Variants in ACOT7 observed in about 807,000 individuals in gnomAD.
ACOT7 encodes the protein cytosolic acyl coenzyme A thioester hydrolase.
A neutral mutation model predicts 40.2 loss-of-function variants in ACOT7; 12 were observed. That is an observed-to-expected ratio of 0.30 (90% CI 0.19 to 0.48). The LOEUF (loss-of-function observed/expected upper bound fraction) is 0.48. Among genes scored for constraint, ACOT7 ranks in the 20% least tolerant of loss-of-function variants. The pLI is 0.99. For synonymous variants in ACOT7, 228 were observed against 219.5 expected, an observed-to-expected ratio of 1.04 and a Z score of -0.34; for missense variants, 395 against 530.8, an observed-to-expected ratio of 0.74 and a Z score of 2.51.
chr1:6,366,179 C>A (rs1454343015), intron 1 of ACOT7, among the ~76,000 whole-genome samples: 1 of 151,986 alleles, frequency 6.6e-6, no homozygotes, highest in African/African-American at 2.4e-5. Context: ...TACCGCCCGG[C>A]CTGCAGACTG....
At chr1:6,341,539 G>T (rs7527547) in intron 2 of ACOT7, among the ~76,000 whole-genome samples, 3 of 152,128 alleles carry the variant, frequency 2.0e-5, no homozygotes, top group African/African-American at 7.2e-5. Context: ...TCAGGAGATC[G>T]AGACCATCCT....
chr1:6,345,875 G>C (rs1641405711), intron 2 of ACOT7, among the ~76,000 whole-genome samples: 1 of 152,218 alleles, frequency 6.6e-6, no homozygotes, highest in African/African-American at 2.4e-5. Flanking sequence ...CATCGTAAGC[G>C]CTTACTCGGT....
chr1:6,312,667 C>T (rs1640372472), intron 6 of ACOT7, among the ~76,000 whole-genome samples: 2 of 152,106 alleles, frequency 1.3e-5, no homozygotes, highest in African/African-American at 4.8e-5. Context: ...AGGGTTTTAC[C>T]ATGTTGGCCA....
Position 6,358,866 on chromosome 1 carries a change from A to T in ACOT7, c.144-9000T>A. The T allele has an allele frequency of 6.2e-7, 1 of 1,613,736 alleles. No individual in the cohort carries two copies. Among genetic ancestry groups the T allele is most frequent in the Non-Finnish European group, 8.5e-7 (1 of 1,179,798 alleles). On this transcript the variant is annotated intron_variant, in intron 1 of 8. Coordinates refer to ENST00000361521, the MANE Select transcript of ACOT7 (RefSeq NM_007274.4). This position sits in a 1 kb window ranked among gnomAD's most constrained non-coding sequence, Gnocchi z 4.1. ...GCCATGGTGGCTAGGACATCCCAGG[A>T]TCAGATGCAGAGAAAGGCGAGGGAG...
At chr1:6,318,261 G>A (rs528445144) in intron 6 of ACOT7, among the ~76,000 whole-genome samples, 3 of 152,122 alleles carry the variant, frequency 2.0e-5, no homozygotes, top group African/African-American at 4.8e-5. Context: ...TCCCTATGTC[G>A]CCCAGGCTGG....
At chr1:6,341,741 CA>C (rs1203265842) in intron 2 of ACOT7, among the ~76,000 whole-genome samples, 5 of 144,304 alleles carry the variant, frequency 3.5e-5, no homozygotes, top group Non-Finnish European at 4.5e-5. Context: ...GACTCCGTCT[CA>C]AAAAAAAAAA....
intron 1 of ACOT7, among the ~76,000 whole-genome samples, chr1:6,356,520 G>A (rs1180554097): frequency 6.6e-6 from 1 of 152,158 alleles, no homozygotes; most frequent in East Asian, 1.9e-4. Context: ...CCTGTGCGGT[G>A]ACCTTGGCAG....
rs1487918273 is a variant in ACOT7, at chr1:6,288,933, A to G, written c.829+5931T>C. Reference sequence around the variant, plus strand: ...ACCCAAGCGAGGGCAAGCCACAGCCACAGGGCCTGGCACTTGGTCAATATC... The same window carrying G: ...ACCCAAGCGAGGGCAAGCCACAGCCGCAGGGCCTGGCACTTGGTCAATATC... On this transcript the variant is annotated intron_variant, in intron 7 of 8. Coordinates refer to ENST00000361521, the MANE Select transcript of ACOT7 (RefSeq NM_007274.4). The surrounding 1 kb of genome is among the most constrained non-coding windows in gnomAD (Gnocchi z 4.3). 6.6e-6 allele frequency among the ~76,000 whole-genome samples: 1 copy of G among 152,218 alleles called. No individual in the cohort carries two copies. The highest frequency in any genetic ancestry group is 1.5e-5 in the Non-Finnish European group (1 of 68,032).
chr1:6,283,115 G>A (rs935491372), intron 7 of ACOT7, among the ~76,000 whole-genome samples: 1 of 152,254 alleles, frequency 6.6e-6, no homozygotes, highest in Admixed American at 6.5e-5. Context: ...GAGGAGGGCA[G>A]GTTCCAGGGG....
intron 4 of ACOT7, among the ~76,000 whole-genome samples, chr1:6,332,816 G>A (rs546652421): frequency 6.1e-5 from 9 of 147,016 alleles, no homozygotes; most frequent in East Asian, 3.9e-4. Context: ...GCAAGATTCC[G>A]TCTCAAAAAA....
intron 5 of ACOT7, 67 bp from the exon 6 acceptor site, chr1:6,318,645 A>T: frequency 6.6e-7 from 1 of 1,513,278 alleles, no homozygotes. Context: ...TGGTCTGGCA[A>T]TGCCGAAACC....
intron 1 of ACOT7, among the ~76,000 whole-genome samples, chr1:6,392,131 A>ACCCAGGACTTGCTATATG: frequency 6.6e-6 from 1 of 152,158 alleles, no homozygotes; most frequent in Non-Finnish European, 1.5e-5. Flanking sequence ...ATCGCCATAG[A>ACCCAGGACTTGCTATATG]CCCAGGACTT....
Position 6,340,506 on chromosome 1 carries a change from C to T in ACOT7, c.262-917G>A, listed in dbSNP as rs147313026. On this transcript the variant is annotated intron_variant, in intron 2 of 8. Coordinates refer to ENST00000361521, the MANE Select transcript of ACOT7 (RefSeq NM_007274.4). ...AAAAGTAGAAAGAAGGGGAACGTCA[C>T]TCCTCCCATTCAAAGATAACCATGG... 3.4e-3 allele frequency among the ~76,000 whole-genome samples: 524 copies of T among 152,324 alleles called. 2 individuals are homozygous for T. The highest frequency in any genetic ancestry group is 0.012 in the African/African-American group (494 of 41,560).
chr1:6,367,124 A>G (rs1421850572), intron 1 of ACOT7, among the ~76,000 whole-genome samples: 1 of 151,566 alleles, frequency 6.6e-6, no homozygotes, highest in Non-Finnish European at 1.5e-5. Flanking sequence ...GCGTGAACCC[A>G]GAAGGCAGAG....
intron 7 of ACOT7, among the ~76,000 whole-genome samples, chr1:6,287,486 C>T (rs2148386878): frequency 6.6e-6 from 1 of 152,376 alleles, no homozygotes; most frequent in East Asian, 1.9e-4. Context: ...TGGTATGAAG[C>T]AGGTGGCACA....
chr1:6,313,347 G>A (rs1371593057), intron 6 of ACOT7, among the ~76,000 whole-genome samples: 2 of 152,184 alleles, frequency 1.3e-5, no homozygotes, highest in Non-Finnish European at 2.9e-5. Flanking sequence ...CCAGAAAGTG[G>A]AGGGAAAATC....
rs1642563032 is a variant in ACOT7 at position 6,393,160 on chromosome 1, G to C, written c.143+97C>G. 4.3e-6 allele frequency: 5 copies of C among 1,169,568 alleles called. No individual in the cohort carries two copies. In the East Asian group the frequency reaches 1.8e-4, roughly 42 times the overall value. The allele number at this position is 1,169,568 out of a possible 1,614,324, so 72.4% of individuals were successfully genotyped here. ...TGCGGGGAATCGGCGGGCGGGGGCG[G>C]CCTCGGCGGGTGGGGACCACAGAGC... is the stretch of plus-strand genomic sequence containing the variant. On this transcript the variant is annotated intron_variant, in intron 1 of 8. Transcript: ENST00000361521.
At chr1:6,350,306 A>G (rs902842343) in intron 1 of ACOT7, among the ~76,000 whole-genome samples, 6 of 152,208 alleles carry the variant, frequency 3.9e-5, no homozygotes, top group Admixed American at 6.5e-5. Context: ...GAAGCCAGGT[A>G]GCCACGGCTG....
At position 6,299,181 on chromosome 1, in the gene ACOT7, G is replaced by A. The variant is rs925872312; in HGVS notation, c.713-4201C>T. 6.6e-6 allele frequency among the ~76,000 whole-genome samples: 1 copy of A among 152,248 alleles called. No homozygotes were observed. The highest frequency in any genetic ancestry group is 1.5e-5 in the Non-Finnish European group (1 of 68,036). On this transcript the variant is annotated intron_variant, in intron 6 of 8. Coordinates refer to ENST00000361521, the MANE Select transcript of ACOT7 (RefSeq NM_007274.4). The surrounding 1 kb of genome is among the most constrained non-coding windows in gnomAD (Gnocchi z 4.1). The stretch of plus-strand genomic sequence containing the variant: ...GAGCCGTGGGCTCAGTGTCTGTCAG[G>A]CAGAGGAGGTGACGGCGCCCACAGG...
Sources: gnomAD v4.1 joint callset for allele counts (sites outside exome capture counted in the v4.1 genomes callset) on GRCh38, gnomAD v4.1.1 for gene constraint, Gnocchi (gnomAD v3.1) non-coding constraint, MANE v1.5 for transcripts, NCBI Gene and HGNC (gene_info 2026-07-23, HGNC 2026-07-21) for gene names.